Variants in SDCCAG8 observed in about 807,000 individuals in gnomAD.
SDCCAG8 encodes serologically defined colon cancer antigen 8.
In SDCCAG8, 74 loss-of-function variants were observed where a neutral mutation model predicts 101.8. The ratio of observed to expected loss-of-function variants is 0.73; its 90% CI spans 0.60 to 0.88. The LOEUF (loss-of-function observed/expected upper bound fraction) is 0.88. Ranked by LOEUF, SDCCAG8 falls within the 40% of genes least tolerant of loss-of-function variation. SDCCAG8 has a pLI of 0.00. For synonymous variants in SDCCAG8, 281 were observed against 292.9 expected (o/e 0.96, Z 0.41); for missense variants, 787 against 822.6 (o/e 0.96, Z 0.53).
At chr1:243,423,701 A>T (rs775008079) in intron 15 of SDCCAG8, among the ~76,000 whole-genome samples, 1 of 152,140 alleles carries the variant, frequency 6.6e-6, no homozygotes. Context: ...ATAACTGTAT[A>T]TGTAGCCATA....
At chr1:243,463,922 G>A (rs923701535) in intron 16 of SDCCAG8, among the ~76,000 whole-genome samples, 17 of 152,032 alleles carry the variant, frequency 1.1e-4, no homozygotes, top group African/African-American at 4.1e-4. Flanking sequence ...GTGAACTCTC[G>A]GTGTTCCCGT....
chr1:243,333,244 A>G (rs1376509521), intron 10 of SDCCAG8, among the ~76,000 whole-genome samples: 2 of 152,150 alleles, frequency 1.3e-5, no homozygotes, highest in Non-Finnish European at 2.9e-5. Context: ...TTCTGAATCA[A>G]TCTTTCCTTC....
intron 1 of SDCCAG8, among the ~76,000 whole-genome samples, chr1:243,264,399 G>A (rs1465537311): frequency 6.6e-6 from 1 of 152,186 alleles, no homozygotes; most frequent in East Asian, 1.9e-4. Flanking sequence ...AGGATCACCT[G>A]AGGTCGAGGG....
chr1:243,333,904 G>T (rs1325459815), intron 10 of SDCCAG8, among the ~76,000 whole-genome samples: 1 of 152,130 alleles, frequency 6.6e-6, no homozygotes, highest in African/African-American at 2.4e-5. Flanking sequence ...CAGTACTATA[G>T]CTTGAATTCC....
chr1:243,260,141 G>T (rs1242438917), intron 1 of SDCCAG8, among the ~76,000 whole-genome samples: 2 of 152,176 alleles, frequency 1.3e-5, no homozygotes, highest in Non-Finnish European at 2.9e-5. Context: ...TCTTCAAAAC[G>T]AGAGTTCTGG....
At chr1:243,375,380 T>C (rs1166920468) in intron 12 of SDCCAG8, among the ~76,000 whole-genome samples, 3 of 152,126 alleles carry the variant, frequency 2.0e-5, no homozygotes, top group African/African-American at 7.2e-5. Context: ...ATTACTTTGA[T>C]GGGCAAATTT....
intron 12 of SDCCAG8, among the ~76,000 whole-genome samples, chr1:243,376,004 C>G (rs2077576377): frequency 6.6e-6 from 1 of 152,118 alleles, no homozygotes; most frequent in African/African-American, 2.4e-5. Context: ...TTCCATCTTC[C>G]TAACAAAAAT....
intron 13 of SDCCAG8, among the ~76,000 whole-genome samples, chr1:243,411,265 C>T (rs760406658): frequency 6.6e-6 from 1 of 151,826 alleles, no homozygotes; most frequent in Non-Finnish European, 1.5e-5. Context: ...CAGGCACACA[C>T]CACCGCATCT....
rs1661896367 is a variant in SDCCAG8, at chr1:243,474,305, A to G, written c.1986-14709A>G. ...TCCTCTCAACCGTCATCCCGGTTTA[A>G]TCCTCTCCTTCTGCCAAAGTCCAGA... On this transcript the variant is annotated intron_variant, in intron 16 of 17. Transcript: ENST00000366541. The surrounding 1 kb of genome is among the most constrained non-coding windows in gnomAD (Gnocchi z 4.7). Among the ~76,000 whole-genome samples the G allele has an allele frequency of 6.6e-6, 1 of 152,130 alleles. No homozygotes were observed. Among genetic ancestry groups the G allele is most frequent in the Non-Finnish European group, 1.5e-5 (1 of 68,018 alleles).
At chr1:243,398,205 T>C (rs772612996) in intron 13 of SDCCAG8, among the ~76,000 whole-genome samples, 5 of 152,192 alleles carry the variant, frequency 3.3e-5, no homozygotes, top group Admixed American at 6.5e-5. Flanking sequence ...CTGGATCAAA[T>C]AGATTACGTT....
chr1:243,493,556 G>C (rs1667085790), intron 17 of SDCCAG8, among the ~76,000 whole-genome samples: 1 of 152,006 alleles, frequency 6.6e-6, no homozygotes, highest in Non-Finnish European at 1.5e-5. Context: ...AGGCTGCTTG[G>C]TTCTGTCTGC....
intron 4 of SDCCAG8, among the ~76,000 whole-genome samples, chr1:243,285,471 A>G (rs1458412724): frequency 3.3e-5 from 5 of 152,202 alleles, no homozygotes; most frequent in Admixed American, 2.6e-4. Flanking sequence ...AAAGTCCACA[A>G]TATTTTTTAA....
intron 16 of SDCCAG8, among the ~76,000 whole-genome samples, chr1:243,478,830 T>A (rs774544418): frequency 1.3e-5 from 2 of 151,840 alleles, no homozygotes; most frequent in Non-Finnish European, 2.9e-5. Flanking sequence ...TGGTGGTGTG[T>A]GCCTGTAGTC....
chr1:243,311,088 A>AC (rs397782768), intron 8 of SDCCAG8, among the ~76,000 whole-genome samples: 7 of 151,366 alleles, frequency 4.6e-5, no homozygotes, highest in Non-Finnish European at 1.0e-4. Context: ...TCAAGAAAAA[A>AC]CTCAAGTACA....
At chr1:243,437,502 G>C (rs919843117) in intron 16 of SDCCAG8, among the ~76,000 whole-genome samples, 1 of 150,216 alleles carries the variant, frequency 6.7e-6, no homozygotes, top group Non-Finnish European at 1.5e-5. Context: ...AATATCTATC[G>C]TCAAATCCTA....
At chr1:243,360,597 G>A (rs569902660) in intron 12 of SDCCAG8, among the ~76,000 whole-genome samples, 1 of 152,202 alleles carries the variant, frequency 6.6e-6, no homozygotes, top group South Asian at 2.1e-4. Flanking sequence ...GCCGAGGCAG[G>A]TGAATCAGGA....
At chr1:243,494,046 C>T (rs1441101732) in intron 17 of SDCCAG8, among the ~76,000 whole-genome samples, 2 of 152,118 alleles carry the variant, frequency 1.3e-5, no homozygotes, top group Admixed American at 1.3e-4. Flanking sequence ...GGGGGCCTCG[C>T]CCAGCTGACT....
chr1:243,367,627 G>A (rs1402348727), intron 12 of SDCCAG8, among the ~76,000 whole-genome samples: 1 of 151,806 alleles, frequency 6.6e-6, no homozygotes, highest in East Asian at 1.9e-4. Context: ...AAGAAAGGAA[G>A]GAGTCCCAGT....
At chr1:243,411,564 A>T (rs916687222) in intron 13 of SDCCAG8, among the ~76,000 whole-genome samples, 2 of 152,144 alleles carry the variant, frequency 1.3e-5, no homozygotes, top group Admixed American at 1.3e-4. Flanking sequence ...TCCACCCAAA[A>T]CATGTCCTTG....
Sources: allele counts gnomAD v4.1 joint callset (sites outside exome capture counted in the v4.1 genomes callset), GRCh38; gene constraint gnomAD v4.1.1; non-coding constraint Gnocchi (gnomAD v3.1); transcripts MANE v1.5; gene names NCBI Gene and HGNC (gene_info 2026-07-23, HGNC 2026-07-21).